CCSER2: variants seen among roughly 807,000 people sequenced by gnomAD.
CCSER2 encodes serine-rich coiled-coil domain-containing protein 2.
Under a neutral mutation model 92.3 loss-of-function variants are expected in CCSER2, and 46 were observed. The observed-to-expected ratio is 0.50, with a 90% CI of 0.39 to 0.64. The LOEUF (loss-of-function observed/expected upper bound fraction) is 0.64. Among genes scored for constraint, CCSER2 ranks in the 30% least tolerant of loss-of-function variants. CCSER2 has a pLI of 0.00. For synonymous variants in CCSER2, 433 were observed against 431.4 expected (o/e 1.00, Z -0.04); for missense variants, 1,244 against 1,238.9 (o/e 1.00, Z -0.06).
intron 1 of CCSER2, among the ~76,000 whole-genome samples, chr10:84,342,720 T>TC (rs1055181311): frequency 5.9e-5 from 9 of 152,080 alleles, no homozygotes; most frequent in Non-Finnish European, 1.2e-4. Context: ...TACTACTCAT[T>TC]CCCCCGCAAC....
Position 84,371,705 on chromosome 10 carries a change from T to C in CCSER2, c.653T>C (p.Met218Thr), listed in dbSNP as rs138631845. Residue 218 changes from methionine (M) to threonine (T), a missense_variant, in exon 2 of 10, where the codon ATG becomes ACG. Physicochemically the swap from Met to Thr is moderately conservative, Grantham distance 81 (BLOSUM62 -1). Coordinates refer to ENST00000372088, the MANE Select transcript of CCSER2 (RefSeq NM_001284240.2). The stretch of plus-strand genomic sequence containing the variant: ...AGTAAATCTATTAATTGTGAAAAAA[T>C]GGTAAGGTCACAAAGTTTTTCACAT... ...DSSKSINCEKMVRSQSFSHSI... is the reference protein window; with the variant it reads ...DSSKSINCEKTVRSQSFSHSI... 18 of 1,613,510 alleles carry C rather than the reference T, an allele frequency of 1.1e-5. No homozygotes were observed. In the African/African-American group the frequency reaches 2.3e-4, roughly 20 times the overall value.
intron 1 of CCSER2, among the ~76,000 whole-genome samples, chr10:84,360,917 A>G (rs1845464651): frequency 6.6e-6 from 1 of 152,172 alleles, no homozygotes; most frequent in Non-Finnish European, 1.5e-5. Context: ...TCTCACATAA[A>G]TGGATCAACT....
chr10:84,466,004 C>T (rs1846403911), intron 7 of CCSER2, among the ~76,000 whole-genome samples: 1 of 152,178 alleles, frequency 6.6e-6, no homozygotes. Flanking sequence ...TCCCAAAGTG[C>T]TAGGATTACA....
chr10:84,466,703 C>G (rs557026151), intron 7 of CCSER2, among the ~76,000 whole-genome samples: 1 of 150,758 alleles, frequency 6.6e-6, no homozygotes, highest in Non-Finnish European at 1.5e-5. Flanking sequence ...TTAGTAGGGA[C>G]GGGGTTTCAC....
chr10:84,329,442 C>T (rs1407705557), intron 1 of CCSER2, among the ~76,000 whole-genome samples: 2 of 152,140 alleles, frequency 1.3e-5, no homozygotes, highest in Non-Finnish European at 2.9e-5. Flanking sequence ...GTGGGCTCCC[C>T]GACCAATGAG....
chr10:84,505,107 G>C (rs1344589797), intron 9 of CCSER2, among the ~76,000 whole-genome samples: 1 of 151,908 alleles, frequency 6.6e-6, no homozygotes, highest in Non-Finnish European at 1.5e-5. Context: ...CAGTCGTTCT[G>C]CTTTTTTCAC....
chr10:84,507,033 A>G (rs1288387693), intron 9 of CCSER2, among the ~76,000 whole-genome samples: 2 of 152,186 alleles, frequency 1.3e-5, no homozygotes, highest in East Asian at 3.9e-4. Flanking sequence ...GAGAAGTTTT[A>G]CACATGCCTT....
At position 84,517,043 on chromosome 10, in the gene CCSER2, G is replaced by A. The variant is rs1391052555; in HGVS notation, c.*2776G>A. The A allele has an allele frequency of 6.6e-6, 1 of 152,104 alleles. No homozygotes were observed. 9.4% of individuals were successfully genotyped at this position (152,104 alleles called of 1,614,324 possible). On this transcript the variant is annotated 3_prime_UTR_variant, in exon 10 of 10. Transcript: ENST00000372088. ...TCATCTTAGATTTGGCTTGATCTGT[G>A]TTTATTGCTTCTATTAATGTAAATC...
intron 9 of CCSER2, among the ~76,000 whole-genome samples, chr10:84,502,838 C>T (rs1383043052): frequency 6.6e-6 from 1 of 152,096 alleles, no homozygotes; most frequent in Non-Finnish European, 1.5e-5. Context: ...TCTAAATATG[C>T]AGAGTGAGAT....
intron 9 of CCSER2, among the ~76,000 whole-genome samples, chr10:84,501,834 A>AATATATATATATATATAT (rs1554868293): frequency 2.5e-5 from 1 of 40,162 alleles, no homozygotes; most frequent in Non-Finnish European, 8.1e-5. Flanking sequence ...AAAAAAAAAA[A>AATATATATATATATATAT]ATATATATAT....
chr10:84,426,754 A>G (rs1843456942), intron 5 of CCSER2, among the ~76,000 whole-genome samples: 2 of 152,184 alleles, frequency 1.3e-5, no homozygotes, highest in Admixed American at 1.3e-4. Context: ...GTGAGGGAAA[A>G]AATTGATTCT....
chr10:84,350,409 C>G (rs1311973936), intron 1 of CCSER2, among the ~76,000 whole-genome samples: 2 of 151,810 alleles, frequency 1.3e-5, no homozygotes, highest in Non-Finnish European at 2.9e-5. Flanking sequence ...ATTTCCTACA[C>G]TAGGTTGTAA....
At chr10:84,470,507 G>T in intron 8 of CCSER2, 49 bp downstream of exon 8, 1 of 1,316,892 alleles carries the variant, frequency 7.6e-7, no homozygotes, top group East Asian at 3.4e-5. Context: ...TGGGTGAAAT[G>T]TGTTTTTCAT....
intron 5 of CCSER2, among the ~76,000 whole-genome samples, chr10:84,436,020 A>G (rs903344043): frequency 2.6e-4 from 39 of 151,744 alleles, no homozygotes; most frequent in Non-Finnish European, 7.4e-5. Flanking sequence ...ATCTCAGGTA[A>G]TTAGGTATGA....
intron 3 of CCSER2, among the ~76,000 whole-genome samples, chr10:84,399,029 A>AT (rs1001990091): frequency 6.6e-6 from 1 of 152,158 alleles, no homozygotes; most frequent in East Asian, 1.9e-4. Flanking sequence ...TTCCAGAAAG[A>AT]TTTTTTAAAT....
At chr10:84,461,435 CTTTTATTACTGTCCGCA>C (rs1846093678) in intron 6 of CCSER2, among the ~76,000 whole-genome samples, 1 of 152,120 alleles carries the variant, frequency 6.6e-6, no homozygotes, top group Admixed American at 6.6e-5. Flanking sequence ...AGTGTTAGCT[CTTTTATTACTGTCCGCA>C]TATGTTCCTG....
chr10:84,406,889 G>A (rs748102734), intron 3 of CCSER2, among the ~76,000 whole-genome samples: 6 of 152,142 alleles, frequency 3.9e-5, no homozygotes, highest in Non-Finnish European at 5.9e-5. Context: ...AAAAGTTAGA[G>A]TAAGTTAATT....
rs1564649654 is a variant in CCSER2 at position 84,425,737 on chromosome 10, G to A, written c.1712G>A (p.Cys571Tyr). ...TGCTTTTGAATCTGTCTAGTGGAGTGTGACAATATGAACCGCTTTGACCGA... is the reference window on the plus strand; with the variant it reads ...TGCTTTTGAATCTGTCTAGTGGAGTATGACAATATGAACCGCTTTGACCGA... ...PEDAPLENVE[C>Y]DNMNRFDRPD... The change falls in exon 5 of 10, where the codon TGT (cysteine) becomes TAT (tyrosine). Residue 571 changes from cysteine to tyrosine, a missense_variant. Cys to Tyr is a radical substitution (Grantham distance 194). Transcript: ENST00000372088. 6.2e-7 allele frequency: 1 copy of A among 1,609,056 alleles called. No homozygotes were observed. The highest frequency in any genetic ancestry group is 8.5e-7 in the Non-Finnish European group (1 of 1,177,102).
At chr10:84,419,310 G>A (rs1212213431) in intron 4 of CCSER2, among the ~76,000 whole-genome samples, 4 of 149,930 alleles carry the variant, frequency 2.7e-5, no homozygotes, top group South Asian at 4.2e-4. Context: ...ACCAAAAAAC[G>A]GGAGAAAGGA....
Sources: gnomAD v4.1 joint callset for allele counts (sites outside exome capture counted in the v4.1 genomes callset) on GRCh38, gnomAD v4.1.1 for gene constraint, MANE v1.5 for transcripts, NCBI Gene and HGNC (gene_info 2026-07-23, HGNC 2026-07-21) for gene names.